Variants in LMAN2 observed in about 807,000 individuals in gnomAD.
The protein encoded by LMAN2 is lectin, mannose binding 2.
Under a neutral mutation model 39.3 loss-of-function variants are expected in LMAN2, and 22 were observed. The ratio of observed to expected loss-of-function variants is 0.56; its 90% CI spans 0.40 to 0.80. The LOEUF is 0.80. Ranked by LOEUF, LMAN2 falls within the 30% of genes least tolerant of loss-of-function variation. The probability of loss-of-function intolerance (pLI) is 0.00; values close to 1 mark genes in which losing one functional copy is unlikely to be tolerated. For synonymous variants in LMAN2, 207 were observed against 207.8 expected (o/e 1.00, Z 0.03); for missense variants, 494 against 505.4 (o/e 0.98, Z 0.22).
intron 6 of LMAN2, among the ~76,000 whole-genome samples, chr5:177,335,109 T>C (rs1761450441): frequency 6.6e-6 from 1 of 152,102 alleles, no homozygotes; most frequent in Admixed American, 6.5e-5. Context: ...GGGACTGGAA[T>C]CTGAGGAAAG....
Position 177,331,962 on chromosome 5 carries a change from C to A in LMAN2, c.*124G>T. 4.3e-6 allele frequency: 5 copies of A among 1,155,052 alleles called. No individual in the cohort carries two copies. Among genetic ancestry groups the A allele is most frequent in the Non-Finnish European group, 6.0e-6 (5 of 840,290 alleles). 71.6% of individuals were successfully genotyped at this position (1,155,052 alleles called of 1,614,324 possible). On this transcript the variant is annotated 3_prime_UTR_variant, in exon 8 of 8. Transcript: ENST00000303127. ...GCAAGAAGCAAAATGTATGAAAATA[C>A]TTTAATCATTTATTTGAAACAGTTA...
Position 177,331,988 on chromosome 5 carries a change from A to T in LMAN2, c.*98T>A. ...TTTAATCATTTATTTGAAACAGTTA[A>T]GAAATAAGGTCATCTTGTTGTTCTT... On this transcript the variant is annotated 3_prime_UTR_variant, in exon 8 of 8. Transcript: ENST00000303127. The T allele has an allele frequency of 8.0e-7, 1 of 1,256,972 alleles. No individual in the cohort carries two copies. The highest frequency in any genetic ancestry group is 1.6e-5 in the South Asian group (1 of 63,618). 77.9% of individuals were successfully genotyped at this position (1,256,972 alleles called of 1,614,324 possible). A position where few individuals can be genotyped will look rare whatever the true frequency, so the allele number is the denominator to read the frequency against.
intron 6 of LMAN2, among the ~76,000 whole-genome samples, chr5:177,335,905 C>T (rs1415551626): frequency 6.6e-6 from 1 of 152,074 alleles, no homozygotes; most frequent in East Asian, 1.9e-4. Flanking sequence ...GCTCAGGGCC[C>T]CAAAGAGAAA....
At chr5:177,343,322 G>T (rs932514331) in intron 2 of LMAN2, among the ~76,000 whole-genome samples, 4 of 152,204 alleles carry the variant, frequency 2.6e-5, no homozygotes, top group African/African-American at 9.6e-5. Context: ...TGCATTGCTG[G>T]TGGGAATATA....
At chr5:177,349,134 G>A (rs1445853970) in intron 2 of LMAN2, among the ~76,000 whole-genome samples, 1 of 152,126 alleles carries the variant, frequency 6.6e-6, no homozygotes, top group African/African-American at 2.4e-5. Context: ...GGCCTGAGCA[G>A]CCTCCCCAGG....
chr5:177,343,363 G>C (rs1465759039), intron 2 of LMAN2, among the ~76,000 whole-genome samples: 1 of 152,136 alleles, frequency 6.6e-6, no homozygotes, highest in East Asian at 1.9e-4. Context: ...AAAACCGTTT[G>C]GTAGTCCTCA....
chr5:177,333,493 G>A (rs1761421163), intron 7 of LMAN2, among the ~76,000 whole-genome samples: 1 of 152,238 alleles, frequency 6.6e-6, no homozygotes, highest in South Asian at 2.1e-4. Context: ...AAAATAATCT[G>A]AATCTTTAAA....
rs749356458 is a variant in LMAN2 at position 177,351,649 on chromosome 5, C to G, written c.-2G>C. On this transcript the variant is annotated 5_prime_UTR_variant, in exon 1 of 8. Coordinates refer to ENST00000303127, the MANE Select transcript of LMAN2 (RefSeq NM_006816.3). ...CCAAATCCAGCCTTCCGCCGCCATT[C>G]TCCTCTCCTCTCGGCCACTTCCGCC... The G allele has an allele frequency of 1.3e-6, 2 of 1,582,488 alleles. No individual in the cohort carries two copies. The highest frequency in any genetic ancestry group is 2.7e-5 in the African/African-American group (2 of 73,402).
intron 2 of LMAN2, among the ~76,000 whole-genome samples, chr5:177,349,057 G>A (rs1356057031): frequency 6.6e-6 from 1 of 152,126 alleles, no homozygotes; most frequent in African/African-American, 2.4e-5. Flanking sequence ...TCAAAAGGTT[G>A]CTACAACAGC....
chr5:177,335,987 T>G (rs1235633824), intron 6 of LMAN2, among the ~76,000 whole-genome samples: 1 of 152,202 alleles, frequency 6.6e-6, no homozygotes, highest in Admixed American at 6.5e-5. Flanking sequence ...GGCACCCCAG[T>G]GCTCGCTGAG....
rs558965804 is a variant in LMAN2, at chr5:177,350,706, T to C, written c.315+467A>G. On this transcript the variant is annotated intron_variant, in intron 2 of 7. Coordinates refer to ENST00000303127, the MANE Select transcript of LMAN2 (RefSeq NM_006816.3). ...TATCTTTGTATAGTCATGAAAGCCA[T>C]CTATTTCAAACAGCTTGTTTGAAAA... Among the ~76,000 whole-genome samples, 8 of 152,334 alleles carry C rather than the reference T, an allele frequency of 5.3e-5. No individual in the cohort carries two copies. In the South Asian group the frequency reaches 8.3e-4, roughly 16 times the overall value.
chr5:177,350,012 G>T (rs1449509861), intron 2 of LMAN2, among the ~76,000 whole-genome samples: 4 of 152,182 alleles, frequency 2.6e-5, no homozygotes, highest in Non-Finnish European at 4.4e-5. Context: ...AGAATGACTG[G>T]AGATGCACAA....
chr5:177,343,947 C>T (rs1256989112), intron 2 of LMAN2, among the ~76,000 whole-genome samples: 2 of 152,108 alleles, frequency 1.3e-5, no homozygotes, highest in East Asian at 1.9e-4. Flanking sequence ...CAGTAGCTCA[C>T]GCCTGTAATC....
intron 2 of LMAN2, 25 bp from the exon 3 acceptor site, chr5:177,338,630 C>A: frequency 6.2e-7 from 1 of 1,601,842 alleles, no homozygotes; most frequent in East Asian, 2.2e-5. Context: ...GAATGGGCTG[C>A]TCAGAGCTCC....
At position 177,337,725 on chromosome 5, in the gene LMAN2, G is replaced by C; in HGVS notation, c.494C>G (p.Pro165Arg). 1.9e-6 allele frequency: 3 copies of C among 1,613,980 alleles called. No homozygotes were observed. Among genetic ancestry groups the C allele is most frequent in the Non-Finnish European group, 2.5e-6 (3 of 1,179,948 alleles). ...GCCTACCTCAGTGGTCTCATCATTG[G>C]GGTAGGTGTCCAGGAAGATGGCTAA... Reference protein sequence around the residue: ...HGLAIFLDTYPNDETTERVFP... With the variant: ...HGLAIFLDTYRNDETTERVFP... Residue 165 changes from proline (P) to arginine (R), a missense_variant, in exon 4 of 8, where the codon CCC (proline) becomes CGC (arginine). Coordinates refer to ENST00000303127, the MANE Select transcript of LMAN2 (RefSeq NM_006816.3). This position sits in a 1 kb window ranked among gnomAD's most constrained non-coding sequence, Gnocchi z 8.2.
chr5:177,335,255 GCC>G (rs972907628), intron 6 of LMAN2, among the ~76,000 whole-genome samples: 3 of 152,244 alleles, frequency 2.0e-5, no homozygotes, highest in Non-Finnish European at 4.4e-5. Context: ...ACAAGGACCG[GCC>G]CTGGAGTCAG....
intron 2 of LMAN2, among the ~76,000 whole-genome samples, chr5:177,349,857 G>A (rs993397774): frequency 6.6e-6 from 1 of 152,194 alleles, no homozygotes; most frequent in Non-Finnish European, 1.5e-5. Flanking sequence ...TGCGTGGGTG[G>A]CACTTGAATT....
At chr5:177,340,832 G>T (rs993841740) in intron 2 of LMAN2, among the ~76,000 whole-genome samples, 1 of 151,362 alleles carries the variant, frequency 6.6e-6, no homozygotes, top group Admixed American at 6.6e-5. Flanking sequence ...TCTGCTCACT[G>T]CGAGCTCTGC....
At chr5:177,338,945 T>C (rs1167886075) in intron 2 of LMAN2, among the ~76,000 whole-genome samples, 3 of 152,206 alleles carry the variant, frequency 2.0e-5, no homozygotes, top group African/African-American at 4.8e-5. Context: ...ACCAGCCATT[T>C]CCTCTCCATC....
Sources: allele counts gnomAD v4.1 joint callset (sites outside exome capture counted in the v4.1 genomes callset), GRCh38; gene constraint gnomAD v4.1.1; non-coding constraint Gnocchi (gnomAD v3.1); transcripts MANE v1.5; gene names NCBI Gene and HGNC (gene_info 2026-07-23, HGNC 2026-07-21).